The following PDZRN3 variants were observed in gnomAD, a reference collection of about 807,000 sequenced individuals.
PDZRN3 encodes the protein E3 ubiquitin-protein ligase PDZRN3.
In PDZRN3, 38 loss-of-function variants were observed where a neutral mutation model predicts 85.7. The observed-to-expected ratio is 0.44, with a 90% CI of 0.34 to 0.58. The LOEUF (loss-of-function observed/expected upper bound fraction) is 0.58. Among genes scored for constraint, PDZRN3 ranks in the 20% least tolerant of loss-of-function variants. The pLI, the probability that PDZRN3 is intolerant of heterozygous loss-of-function variation, is 0.01. For missense variants in PDZRN3, 1,629 were observed against 1,506.4 expected, an observed-to-expected ratio of 1.08 and a Z score of -1.35; for synonymous variants, 759 against 638.0, an observed-to-expected ratio of 1.19 and a Z score of -2.86.
rs142263542 is a variant in PDZRN3 at position 73,477,396 on chromosome 3, C to G, written c.919-73001G>C. On this transcript the variant is annotated intron_variant, in intron 3 of 9. Coordinates refer to ENST00000263666, the MANE Select transcript of PDZRN3 (RefSeq NM_015009.3). ...ACTCAGAATGTCATCTCTGACAAAG[C>G]AGTCTCCAATGAACAAACAGAAATG... Among the ~76,000 whole-genome samples, 404 of 152,270 alleles carry G rather than the reference C, an allele frequency of 2.7e-3. 2 individuals carry two copies. The highest frequency in any genetic ancestry group is 8.8e-3 in the African/African-American group (364 of 41,540).
intron 3 of PDZRN3, among the ~76,000 whole-genome samples, chr3:73,417,264 T>C (rs1483654511): frequency 2.0e-5 from 3 of 152,232 alleles, no homozygotes; most frequent in East Asian, 1.9e-4. Flanking sequence ...ATTTTCATTA[T>C]GCAAATTTTG....
chr3:73,408,344 T>C (rs1223223396), intron 3 of PDZRN3: 1 of 619,550 alleles, frequency 1.6e-6, no homozygotes, highest in Non-Finnish European at 2.9e-6. Flanking sequence ...TAAATGCCAA[T>C]AATAAGAATT....
chr3:73,447,469 A>T (rs1702773867), intron 3 of PDZRN3, among the ~76,000 whole-genome samples: 1 of 152,080 alleles, frequency 6.6e-6, no homozygotes, highest in Non-Finnish European at 1.5e-5. Flanking sequence ...TCCATAGAGC[A>T]GTCTACACTT....
chr3:73,520,062 A>G (rs1317454327), intron 3 of PDZRN3, among the ~76,000 whole-genome samples: 1 of 152,210 alleles, frequency 6.6e-6, no homozygotes. Flanking sequence ...GGGAACACAG[A>G]AGAGTTTTAA....
Position 73,537,831 on chromosome 3 carries a change from G to A in PDZRN3, c.918+64523C>T, listed in dbSNP as rs558853169. On this transcript the variant is annotated intron_variant, in intron 3 of 9. Transcript: ENST00000263666. Reference sequence around the variant, plus strand: ...AGTAAAGACGGGGTTTCACTGTGTCGGCCAGGCTGGTCTCGACCTCCTGAT... The same window carrying A: ...AGTAAAGACGGGGTTTCACTGTGTCAGCCAGGCTGGTCTCGACCTCCTGAT... 1.2e-4 allele frequency among the ~76,000 whole-genome samples: 18 copies of A among 150,320 alleles called. No individual in the cohort carries two copies. In the South Asian group the frequency reaches 3.8e-3, roughly 32 times the overall value.
At chr3:73,445,802 G>T (rs757884630) in intron 3 of PDZRN3, among the ~76,000 whole-genome samples, 7 of 152,210 alleles carry the variant, frequency 4.6e-5, no homozygotes, top group Non-Finnish European at 8.8e-5. Flanking sequence ...ATAAATGGGG[G>T]AAAGGAAAAC....
chr3:73,393,854 G>T lies in PDZRN3; in HGVS notation c.1255-2738C>A, dbSNP rs192151466. Among the ~76,000 whole-genome samples the T allele has an allele frequency of 3.9e-5, 6 of 152,254 alleles. No individual in the cohort carries two copies. In the East Asian group the frequency reaches 1.2e-3, roughly 29 times the overall value. On this transcript the variant is annotated intron_variant, in intron 5 of 9. Transcript: ENST00000263666. ...AAACATGTAGGTGGCCTGATATCAC[G>T]AGATTTTAGAATACAGTTTTGATAA...
intron 9 of PDZRN3, among the ~76,000 whole-genome samples, 193 bp downstream of exon 9, chr3:73,385,476 T>C (rs1701354776): frequency 6.6e-6 from 1 of 152,248 alleles, no homozygotes; most frequent in Non-Finnish European, 1.5e-5. Flanking sequence ...TTTAAAAGCT[T>C]AGCTAGGGAC....
chr3:73,595,638 A>C (rs1702420514), intron 3 of PDZRN3, among the ~76,000 whole-genome samples: 1 of 152,192 alleles, frequency 6.6e-6, no homozygotes. Context: ...AACAATTTTC[A>C]CCAATAATTT....
At chr3:73,416,588 C>T (rs1179623369) in intron 3 of PDZRN3, among the ~76,000 whole-genome samples, 2 of 152,068 alleles carry the variant, frequency 1.3e-5, no homozygotes, top group African/African-American at 4.8e-5. Flanking sequence ...ACTTTGCTTC[C>T]TAAGACTCTG....
Position 73,624,112 on chromosome 3 carries a change from G to A in PDZRN3, c.714C>T (p.Pro238=), listed in dbSNP as rs576789805. The change falls in exon 1 of 10, where the codon CCC becomes CCT. Residue 238 remains proline (P), a synonymous_variant. Transcript: ENST00000263666. ...DSLSRCVAAP[P]GGKGEETKSL... ...GGCAGCAGGCGCCTACCTTGCCGCC[G>A]GGCGGCGCGGCCACGCAGCGGCTGA... 4.8e-6 allele frequency: 7 copies of A among 1,461,020 alleles called. No homozygotes were observed. The highest frequency in any genetic ancestry group is 4.4e-5 in the African/African-American group (3 of 67,442). The allele number at this position is 1,461,020 out of a possible 1,614,324, so 90.5% of individuals were successfully genotyped here.
Position 73,624,502 on chromosome 3 carries a change from C to A in PDZRN3, c.324G>T (p.Ala108=), listed in dbSNP as rs978747369. The A allele has an allele frequency of 7.0e-7, 1 of 1,430,690 alleles. No homozygotes were observed. 88.6% of individuals were successfully genotyped at this position (1,430,690 alleles called of 1,614,324 possible). A position where few individuals can be genotyped will look rare whatever the true frequency, so the allele number is the denominator to read the frequency against. Residue 108 remains alanine, a synonymous_variant, in exon 1 of 10, where the codon GCG becomes GCT. Transcript: ENST00000263666. The part of the protein sequence containing the change: ...LPEHLERCDF[A]PARCRHAGCG... ...AACCCGCGTGGCGACAGCGCGCGGG[C>A]GCGAAGTCGCAGCGCTCGAGGTGCT...
chr3:73,411,762 G>A (rs758114597), intron 3 of PDZRN3, among the ~76,000 whole-genome samples: 15 of 152,180 alleles, frequency 9.9e-5, no homozygotes, highest in Non-Finnish European at 1.9e-4. Flanking sequence ...CATGAAAGTC[G>A]CTATCAGCCA....
intron 2 of PDZRN3, among the ~76,000 whole-genome samples, chr3:73,606,577 G>A (rs764371255): frequency 3.9e-5 from 6 of 152,058 alleles, no homozygotes; most frequent in Admixed American, 1.3e-4. Context: ...AACCTCACGC[G>A]GTTCTATAGT....
At chr3:73,404,661 T>C (rs755704091) in intron 3 of PDZRN3, 1 of 391,658 alleles carries the variant, frequency 2.6e-6, no homozygotes, top group Non-Finnish European at 4.6e-6. Flanking sequence ...TTAACACAAT[T>C]TCATCACTTG....
chr3:73,392,929 A>G (rs1701557917), intron 5 of PDZRN3, among the ~76,000 whole-genome samples: 1 of 152,066 alleles, frequency 6.6e-6, no homozygotes, highest in African/African-American at 2.4e-5. Flanking sequence ...GTCATACATC[A>G]TCCTCTTATG....
chr3:73,463,484 G>T (rs1257971136), intron 3 of PDZRN3, among the ~76,000 whole-genome samples: 1 of 152,124 alleles, frequency 6.6e-6, no homozygotes, highest in Non-Finnish European at 1.5e-5. Context: ...TTAGAAAAGG[G>T]TGTCTCCCAG....
intron 3 of PDZRN3, among the ~76,000 whole-genome samples, chr3:73,516,203 G>A (rs1008640225): frequency 2.6e-5 from 4 of 152,050 alleles, no homozygotes; most frequent in African/African-American, 9.7e-5. Context: ...ATGTGTGCCT[G>A]TATACATACA....
intron 3 of PDZRN3, among the ~76,000 whole-genome samples, chr3:73,516,991 G>A (rs1704267897): frequency 6.6e-6 from 1 of 152,138 alleles, no homozygotes; most frequent in Non-Finnish European, 1.5e-5. Flanking sequence ...AGTTTTGGTG[G>A]CCCCTCCTCA....
Sources: allele counts gnomAD v4.1 joint callset (sites outside exome capture counted in the v4.1 genomes callset), GRCh38; gene constraint gnomAD v4.1.1; transcripts MANE v1.5; gene names NCBI Gene and HGNC (gene_info 2026-07-23, HGNC 2026-07-21).